The following KCTD10 variants were observed in gnomAD, a reference collection of about 807,000 sequenced individuals.
KCTD10 encodes the protein BTB/POZ domain-containing adapter for CUL3-mediated RhoA degradation protein 3.
Under a neutral mutation model 34.6 loss-of-function variants are expected in KCTD10, and 13 were observed. The ratio of observed to expected loss-of-function variants is 0.38; its 90% CI spans 0.24 to 0.60. KCTD10 has a LOEUF of 0.60. Ranked by LOEUF, KCTD10 falls within the 20% of genes least tolerant of loss-of-function variation. The pLI is 0.66. For synonymous variants in KCTD10, 156 were observed against 168.8 expected, an observed-to-expected ratio of 0.92 and a Z score of 0.59; for missense variants, 256 against 420.3, an observed-to-expected ratio of 0.61 and a Z score of 3.42.
At chr12:109,468,446 C>T (rs149566138) in intron 2 of KCTD10, among the ~76,000 whole-genome samples, 4 of 152,104 alleles carry the variant, frequency 2.6e-5, no homozygotes, top group Non-Finnish European at 4.4e-5. Flanking sequence ...AACAGGAAGG[C>T]GGGGTCAAGG....
At chr12:109,470,547 A>T (rs1873834827) in intron 1 of KCTD10, 6 of 985,466 alleles carry the variant, frequency 6.1e-6, no homozygotes, top group Middle Eastern at 5.2e-4. Flanking sequence ...TGAAATGAAC[A>T]GGTAAAACTG....
intron 3 of KCTD10, chr12:109,458,429 T>G (rs1873139773): frequency 5.8e-6 from 1 of 171,836 alleles, no homozygotes. Flanking sequence ...GCAGAGGAAT[T>G]AAAAAAAAAA....
In KCTD10 at chr12:109,464,594, T is replaced by C. The variant is rs1301354930; in HGVS notation, c.218-3789A>G. The stretch of plus-strand genomic sequence containing the variant: ...GACTGGGAGAAGATATTTGCAGCAC[T>C]GGACCCCAAAGAAACAGGATCCAGT... On this transcript the variant is annotated intron_variant, in intron 2 of 6. Transcript: ENST00000228495. Among the ~76,000 whole-genome samples the C allele has an allele frequency of 8.5e-5, 13 of 152,284 alleles. No homozygotes were observed. In the East Asian group the frequency reaches 2.5e-3, roughly 29 times the overall value.
chr12:109,472,454 CCTT>C (rs1873935457), intron 1 of KCTD10, among the ~76,000 whole-genome samples: 1 of 151,982 alleles, frequency 6.6e-6, no homozygotes, highest in South Asian at 2.1e-4. Flanking sequence ...CGTAAGAATC[CCTT>C]CTTCTGGGAT....
intron 6 of KCTD10, among the ~76,000 whole-genome samples, chr12:109,455,168 A>G (rs1872955417): frequency 6.6e-6 from 1 of 152,082 alleles, no homozygotes; most frequent in Non-Finnish European, 1.5e-5. Context: ...CTCAGTGTTT[A>G]GCACTTCTTG....
intron 2 of KCTD10, among the ~76,000 whole-genome samples, chr12:109,464,530 G>T (rs1380309253): frequency 6.6e-6 from 1 of 152,140 alleles, no homozygotes; most frequent in African/African-American, 2.4e-5. Flanking sequence ...TAAACTCTGA[G>T]GTTTCCAAAA....
chr12:109,474,378 A>G (rs1372508673), intron 1 of KCTD10, among the ~76,000 whole-genome samples: 2 of 152,184 alleles, frequency 1.3e-5, no homozygotes, highest in Non-Finnish European at 2.9e-5. Context: ...TTCCAGTTAA[A>G]TGGTCAGTCT....
rs533359971 is a variant in KCTD10, at chr12:109,477,271, G to A, written c.-9C>T. On this transcript the variant is annotated 5_prime_UTR_variant, in exon 1 of 7. Coordinates refer to ENST00000228495, the MANE Select transcript of KCTD10 (RefSeq NM_031954.5). The stretch of plus-strand genomic sequence containing the variant: ...ACCGCCCTCCCTACCATGAAAAGTC[G>A]GAGGACGCAGGAGTCTCCAAACCCG... 5.6e-6 allele frequency: 9 copies of A among 1,613,916 alleles called. No individual in the cohort carries two copies. Among genetic ancestry groups the A allele is most frequent in the Non-Finnish European group, 6.8e-6 (8 of 1,179,916 alleles).
At chr12:109,461,407 C>A (rs1256458203) in intron 2 of KCTD10, among the ~76,000 whole-genome samples, 5 of 152,296 alleles carry the variant, frequency 3.3e-5, no homozygotes, top group African/African-American at 4.8e-5. Context: ...CCAAGACAGA[C>A]CCCACCCTCA....
intron 6 of KCTD10, among the ~76,000 whole-genome samples, chr12:109,452,081 CAA>C (rs1872802476): frequency 6.6e-6 from 1 of 152,208 alleles, no homozygotes; most frequent in Non-Finnish European, 1.5e-5. Flanking sequence ...TTTACCCTCT[CAA>C]AGATTCTGTG....
chr12:109,476,998 G>A (rs1279884171), intron 1 of KCTD10, among the ~76,000 whole-genome samples: 2 of 151,878 alleles, frequency 1.3e-5, no homozygotes, highest in Non-Finnish European at 2.9e-5. Flanking sequence ...ACGCACACAC[G>A]TATCTACTCC....
In KCTD10 at chr12:109,451,858, C is replaced by G. The variant is rs775515727; in HGVS notation, c.724-45G>C. ...AGGGCAGGTAAGTTATGGCCCACCC[C>G]CTCTGCCAACACCTGGACTTTAAGC... On this transcript the variant is annotated intron_variant, in intron 6 of 6. Transcript: ENST00000228495. This position sits in a 1 kb window ranked among gnomAD's most constrained non-coding sequence, Gnocchi z 5.0. The G allele has an allele frequency of 1.0e-5, 16 of 1,524,956 alleles. No individual in the cohort carries two copies. Among genetic ancestry groups the G allele is most frequent in the Non-Finnish European group, 1.4e-5 (16 of 1,122,414 alleles). The allele number at this position is 1,524,956 out of a possible 1,614,324, so 94.5% of individuals were successfully genotyped here. A position where few individuals can be genotyped will look rare whatever the true frequency, so the allele number is the denominator to read the frequency against.
chr12:109,473,213 G>A (rs1873974092), intron 1 of KCTD10, among the ~76,000 whole-genome samples: 2 of 152,170 alleles, frequency 1.3e-5, no homozygotes, highest in Non-Finnish European at 2.9e-5. Flanking sequence ...TAGATTGAGA[G>A]CTATGATACA....
At position 109,449,076 on chromosome 12, in the gene KCTD10, A is replaced by G. The variant is rs1566048459; in HGVS notation, c.*2519T>C. ...CAATTTGTAAAAAACTGTAGTTATTACATTGCAATGAAATCTCTTTACCAA... is the reference window on the plus strand; with the variant it reads ...CAATTTGTAAAAAACTGTAGTTATTGCATTGCAATGAAATCTCTTTACCAA... On this transcript the variant is annotated 3_prime_UTR_variant, in exon 7 of 7. Transcript: ENST00000228495. The G allele has an allele frequency of 6.6e-6, 1 of 151,118 alleles. No homozygotes were observed. Among genetic ancestry groups the G allele is most frequent in the Non-Finnish European group, 1.5e-5 (1 of 68,034 alleles). 9.4% of individuals were successfully genotyped at this position (151,118 alleles called of 1,614,324 possible).
At chr12:109,476,715 G>A (rs1212459150) in intron 1 of KCTD10, among the ~76,000 whole-genome samples, 2 of 152,040 alleles carry the variant, frequency 1.3e-5, no homozygotes, top group Non-Finnish European at 2.9e-5. Flanking sequence ...CCCTCACTGG[G>A]CCGTGTGTTC....
rs1872603367 is a variant in KCTD10 at position 109,448,695 on chromosome 12, T to A, written c.*2900A>T. Reference sequence around the variant, plus strand: ...TTATTTTACATGTCGCCAACGTTTGTACAACATACAGTGGCTACATCTAAA... The same window carrying A: ...TTATTTTACATGTCGCCAACGTTTGAACAACATACAGTGGCTACATCTAAA... On this transcript the variant is annotated 3_prime_UTR_variant, in exon 7 of 7. Coordinates refer to ENST00000228495, the MANE Select transcript of KCTD10 (RefSeq NM_031954.5). 6.6e-6 allele frequency: 1 copy of A among 152,266 alleles called. No homozygotes were observed. Among genetic ancestry groups the A allele is most frequent in the African/African-American group, 2.4e-5 (1 of 41,464 alleles). 9.4% of individuals were successfully genotyped at this position (152,266 alleles called of 1,614,324 possible).
chr12:109,459,295 G>C (rs1873190890), intron 3 of KCTD10: 1 of 152,192 alleles, frequency 6.6e-6, no homozygotes, highest in Non-Finnish European at 1.5e-5. Context: ...ACACTAAGAG[G>C]AAAGAATTAG....
At chr12:109,456,012 A>G (rs1222281076) in intron 6 of KCTD10, 106 bp downstream of exon 6, 5 of 1,092,494 alleles carry the variant, frequency 4.6e-6, no homozygotes, top group Non-Finnish European at 6.6e-6. Flanking sequence ...AAGGCAAGCA[A>G]AGCATTTTAA....
intron 1 of KCTD10, among the ~76,000 whole-genome samples, chr12:109,475,146 C>T (rs1009009052): frequency 6.6e-6 from 1 of 152,046 alleles, no homozygotes; most frequent in African/African-American, 2.4e-5. Context: ...GGTTCCCAAC[C>T]CTGGCTACTA....
Sources: gnomAD v4.1 joint callset for allele counts (sites outside exome capture counted in the v4.1 genomes callset) on GRCh38, gnomAD v4.1.1 for gene constraint, Gnocchi (gnomAD v3.1) non-coding constraint, MANE v1.5 for transcripts, NCBI Gene and HGNC (gene_info 2026-07-23, HGNC 2026-07-21) for gene names.